SPIRE1: variants seen among roughly 807,000 people sequenced by gnomAD.
SPIRE1 encodes the protein protein spire homolog 1.
Under a neutral mutation model 94.1 loss-of-function variants are expected in SPIRE1, and 40 were observed. That is an observed-to-expected ratio of 0.43 (90% CI 0.33 to 0.55). The LOEUF is 0.55. Among genes scored for constraint, SPIRE1 ranks in the 20% least tolerant of loss-of-function variants. The pLI is 0.06. For synonymous variants in SPIRE1, 376 were observed against 371.7 expected (o/e 1.01, Z -0.13); for missense variants, 838 against 975.2 (o/e 0.86, Z 1.87).
chr18:12,630,592 GAGGTTGCA>G (rs1245815351), intron 2 of SPIRE1, among the ~76,000 whole-genome samples: 1 of 152,250 alleles, frequency 6.6e-6, no homozygotes, highest in Non-Finnish European at 1.5e-5. Context: ...CTGGGAGGCA[GAGGTTGCA>G]GTGAGCTGAG....
intron 1 of SPIRE1, among the ~76,000 whole-genome samples, chr18:12,653,644 C>T (rs1285880602): frequency 2.0e-5 from 3 of 152,190 alleles, no homozygotes; most frequent in South Asian, 2.1e-4. Flanking sequence ...CTTCCCTAAA[C>T]GTCCATTTAG....
At chr18:12,523,362 T>A (rs1465482151) in intron 4 of SPIRE1, among the ~76,000 whole-genome samples, 1 of 152,236 alleles carries the variant, frequency 6.6e-6, no homozygotes, top group Non-Finnish European at 1.5e-5. Flanking sequence ...CTGGTGATGA[T>A]GCTGTGCACA....
chr18:12,459,889 G>A (rs909386416), intron 12 of SPIRE1: 3 of 985,730 alleles, frequency 3.0e-6, no homozygotes, highest in African/African-American at 1.7e-5. Flanking sequence ...AAAAGTGGTC[G>A]AAAAGGCGTC....
At chr18:12,467,898 G>A (rs2143650799) in intron 10 of SPIRE1, among the ~76,000 whole-genome samples, 1 of 151,890 alleles carries the variant, frequency 6.6e-6, no homozygotes, top group East Asian at 1.9e-4. Context: ...GCGGTGAGCT[G>A]AGATCATGCC....
intron 2 of SPIRE1, among the ~76,000 whole-genome samples, chr18:12,588,691 C>G (rs1201798959): frequency 1.5e-5 from 2 of 135,636 alleles, no homozygotes; most frequent in Non-Finnish European, 3.3e-5. Flanking sequence ...TCTTACATTG[C>G]TAGTGCTGAC....
chr18:12,547,674 G>T (rs770146280), intron 2 of SPIRE1, among the ~76,000 whole-genome samples: 3 of 152,180 alleles, frequency 2.0e-5, no homozygotes, highest in Non-Finnish European at 4.4e-5. Flanking sequence ...CAGCGTGGTG[G>T]CTCATGCCTG....
intron 14 of SPIRE1, chr18:12,452,720 C>A: frequency 1.6e-6 from 1 of 625,952 alleles, no homozygotes; most frequent in Non-Finnish European, 2.8e-6. Context: ...ATAAAAGGAT[C>A]AACTTACATG....
chr18:12,496,895 A>T (rs1181717469), intron 6 of SPIRE1, among the ~76,000 whole-genome samples: 1 of 151,804 alleles, frequency 6.6e-6, no homozygotes, highest in Admixed American at 6.6e-5. Context: ...AATAAATAAA[A>T]ATAAAAATAC....
At chr18:12,543,123 T>A (rs1289003255) in intron 3 of SPIRE1, among the ~76,000 whole-genome samples, 1 of 152,186 alleles carries the variant, frequency 6.6e-6, no homozygotes, top group African/African-American at 2.4e-5. Flanking sequence ...CCACCATGTC[T>A]GGCCCATGTT....
chr18:12,540,328 C>T (rs1016639682), intron 3 of SPIRE1, among the ~76,000 whole-genome samples: 3 of 152,120 alleles, frequency 2.0e-5, no homozygotes, highest in Non-Finnish European at 4.4e-5. Context: ...CTGCTCAGAA[C>T]GTCTTCCCTG....
chr18:12,613,904 A>G (rs2037213476), intron 2 of SPIRE1, among the ~76,000 whole-genome samples: 1 of 152,104 alleles, frequency 6.6e-6, no homozygotes, highest in South Asian at 2.1e-4. Flanking sequence ...AAAAAACAAT[A>G]ATAATTTTCT....
At chr18:12,476,541 CAAAAAAAAAA>C (rs558968043) in intron 10 of SPIRE1, among the ~76,000 whole-genome samples, 54 of 46,834 alleles carry the variant, frequency 1.2e-3, no homozygotes, top group East Asian at 7.3e-3. Context: ...ACTCTGTCTC[CAAAAAAAAAA>C]AAAAAAAAAA....
chr18:12,463,902 T>C (rs560967899), intron 11 of SPIRE1, among the ~76,000 whole-genome samples: 61 of 152,342 alleles, frequency 4.0e-4, no homozygotes, highest in African/African-American at 1.5e-3. Flanking sequence ...GCTTTGATGT[T>C]AATATTGTAC....
rs747625477 is a variant in SPIRE1 at position 12,453,050 on chromosome 18, A to G, written c.1847+18T>C. 6.0e-6 allele frequency: 9 copies of G among 1,492,138 alleles called. No homozygotes were observed. The South Asian group carries it at 1.1e-4, about 19-fold the overall frequency. The allele number at this position is 1,492,138 out of a possible 1,614,324, so 92.4% of individuals were successfully genotyped here. ...CGACTGTTAAATTTATCTTTTCATC[A>G]ATTACAAAATACCTTACCTCTTACA... On this transcript the variant is annotated intron_variant, in intron 14 of 16. Transcript: ENST00000409402.
At chr18:12,524,473 T>A (rs143970602) in intron 4 of SPIRE1, among the ~76,000 whole-genome samples, 1 of 152,232 alleles carries the variant, frequency 6.6e-6, no homozygotes, top group African/African-American at 2.4e-5. Flanking sequence ...CTATTTATAC[T>A]GATGGGGGGA....
chr18:12,471,103 TAAAAAAAA>T, intron 10 of SPIRE1, among the ~76,000 whole-genome samples: 1 of 96,946 alleles, frequency 1.0e-5, no homozygotes, highest in African/African-American at 3.5e-5. Flanking sequence ...CATCTTTCAG[TAAAAAAAA>T]AAAAAAAAAA....
At chr18:12,620,470 A>C (rs981531527) in intron 2 of SPIRE1, among the ~76,000 whole-genome samples, 19 of 152,224 alleles carry the variant, frequency 1.2e-4, no homozygotes, top group African/African-American at 4.6e-4. Flanking sequence ...CACTGGCACA[A>C]TAGAACGGAA....
chr18:12,548,063 T>C (rs142298721), intron 2 of SPIRE1, among the ~76,000 whole-genome samples: 1 of 152,320 alleles, frequency 6.6e-6, no homozygotes, highest in African/African-American at 2.4e-5. Context: ...TAAATGGGGA[T>C]GTCAATGATA....
chr18:12,460,699 C>T (rs1350200462), intron 12 of SPIRE1, among the ~76,000 whole-genome samples: 3 of 144,428 alleles, frequency 2.1e-5, no homozygotes, highest in East Asian at 2.1e-4. Context: ...GCAACAAGAG[C>T]GGAACTCCAT....
Sources: gnomAD v4.1 joint callset for allele counts (sites outside exome capture counted in the v4.1 genomes callset) on GRCh38, gnomAD v4.1.1 for gene constraint, MANE v1.5 for transcripts, NCBI Gene and HGNC (gene_info 2026-07-23, HGNC 2026-07-21) for gene names.